Variants in CLOCK observed in about 807,000 individuals in gnomAD.
CLOCK encodes clock circadian regulator.
CLOCK carries 43 observed loss-of-function variants against 118.4 expected under a neutral mutation model. The ratio of observed to expected loss-of-function variants is 0.36; its 90% CI spans 0.28 to 0.47. CLOCK has a LOEUF of 0.47. Ranked by LOEUF, CLOCK falls within the 20% of genes least tolerant of loss-of-function variation. The probability of loss-of-function intolerance (pLI) is 1.00; values close to 1 mark genes in which losing one functional copy is unlikely to be tolerated. For missense variants in CLOCK, 846 were observed against 999.9 expected (o/e 0.85, Z 2.08); for synonymous variants, 326 against 339.2 (o/e 0.96, Z 0.43).
Position 55,442,341 on chromosome 4 carries a change from A to G in CLOCK, c.2105+91T>C, listed in dbSNP as rs1426120501. ...CTGCAGTGAGCATCTCATTAAAATCACATTAAAAAATTTGATTAAGAAATC... is the reference window on the plus strand; with the variant it reads ...CTGCAGTGAGCATCTCATTAAAATCGCATTAAAAAATTTGATTAAGAAATC... On this transcript the variant is annotated intron_variant, in intron 21 of 22. Transcript: ENST00000513440. 3.6e-6 allele frequency: 4 copies of G among 1,123,178 alleles called. No homozygotes were observed. In the Admixed American group the frequency reaches 5.6e-5, roughly 16 times the overall value. The allele number at this position is 1,123,178 out of a possible 1,614,324, so 69.6% of individuals were successfully genotyped here. A position where few individuals can be genotyped will look rare whatever the true frequency, so the allele number is the denominator to read the frequency against.
At chr4:55,505,054 ACACCTGTAGTCC>A (rs981553670) in intron 2 of CLOCK, among the ~76,000 whole-genome samples, 2 of 151,750 alleles carry the variant, frequency 1.3e-5, no homozygotes, top group African/African-American at 4.8e-5. Flanking sequence ...ATGGTGGCAC[ACACCTGTAGTCC>A]CAGCTACTCA....
intron 20 of CLOCK, among the ~76,000 whole-genome samples, 198 bp downstream of exon 20, chr4:55,443,475 CAAAAAAAAAAAAAG>C (rs1486337919): frequency 1.7e-5 from 2 of 120,028 alleles, no homozygotes; most frequent in African/African-American, 7.2e-5. Context: ...AACTCCGTCT[CAAAAAAAAAAAAAG>C]AAAAAAAAAA....
chr4:55,469,882 T>A (rs923041045), intron 8 of CLOCK, among the ~76,000 whole-genome samples: 1 of 152,080 alleles, frequency 6.6e-6, no homozygotes, highest in African/African-American at 2.4e-5. Context: ...CTAATTTTTA[T>A]GTTTTTTTAA....
At chr4:55,447,042 T>G (rs1345594688) in intron 18 of CLOCK, among the ~76,000 whole-genome samples, 1 of 152,080 alleles carries the variant, frequency 6.6e-6, no homozygotes, top group African/African-American at 2.4e-5. Context: ...TCAAGTTTTT[T>G]TTTTTGTTTT....
At chr4:55,525,730 A>C (rs1296333164) in intron 1 of CLOCK, among the ~76,000 whole-genome samples, 1 of 152,124 alleles carries the variant, frequency 6.6e-6, no homozygotes, top group Non-Finnish European at 1.5e-5. Flanking sequence ...TCGGCCTCCC[A>C]AAGTGCTGGA....
Position 55,430,768 on chromosome 4 carries a change from A to G in CLOCK, c.*4647T>C, listed in dbSNP as rs748162607. 1.1e-4 allele frequency: 17 copies of G among 152,162 alleles called. No homozygotes were observed. The highest frequency in any genetic ancestry group is 1.9e-4 in the Non-Finnish European group (13 of 68,018). The allele number at this position is 152,162 out of a possible 1,614,324, so 9.4% of individuals were successfully genotyped here. ...ACTTTTAGATTAGTTCTGTACATCT[A>G]CTCACACGGATGCAATTTTCCTAGA... On this transcript the variant is annotated 3_prime_UTR_variant, in exon 23 of 23. Coordinates refer to ENST00000513440, the MANE Select transcript of CLOCK (RefSeq NM_004898.4).
intron 3 of CLOCK, among the ~76,000 whole-genome samples, chr4:55,485,725 T>C (rs1256444733): frequency 1.3e-5 from 2 of 152,210 alleles, no homozygotes; most frequent in African/African-American, 4.8e-5. Flanking sequence ...ACCAGTTTTA[T>C]TTAAAAAAAC....
intron 2 of CLOCK, among the ~76,000 whole-genome samples, chr4:55,506,792 C>A (rs566442451): frequency 2.6e-5 from 4 of 152,186 alleles, no homozygotes; most frequent in Middle Eastern, 3.4e-3. Context: ...AACTCCTGAC[C>A]ACAGGTGATC....
chr4:55,510,864 C>CAT (rs1729103847), intron 1 of CLOCK, among the ~76,000 whole-genome samples: 1 of 152,070 alleles, frequency 6.6e-6, no homozygotes, highest in Non-Finnish European at 1.5e-5. Flanking sequence ...AAGGGCATTT[C>CAT]CTGAGACAAG....
Position 55,445,281 on chromosome 4 carries a change from G to A in CLOCK, c.1540-496C>T, listed in dbSNP as rs909899849. ...TCTCACTTTTACATACACCTGCCCC[G>A]GCAGGTGGCTTTCCAGCAAGTCTCA... On this transcript the variant is annotated intron_variant, in intron 18 of 22. Coordinates refer to ENST00000513440, the MANE Select transcript of CLOCK (RefSeq NM_004898.4). Among the ~76,000 whole-genome samples the A allele has an allele frequency of 4.6e-5, 7 of 151,998 alleles. 2 individuals are homozygous for A. Among genetic ancestry groups the A allele is most frequent in the East Asian group, 1.9e-4 (1 of 5,156 alleles).
At chr4:55,439,730 T>C (rs1723193121) in intron 21 of CLOCK, among the ~76,000 whole-genome samples, 1 of 152,158 alleles carries the variant, frequency 6.6e-6, no homozygotes, top group Non-Finnish European at 1.5e-5. Context: ...CTGAGAACAT[T>C]ATCCTAAGTA....
At chr4:55,449,519 A>T (rs1018041116) in intron 16 of CLOCK, 23 bp from the exon 17 acceptor site, 1 of 1,540,606 alleles carries the variant, frequency 6.5e-7, no homozygotes, top group Non-Finnish European at 9.0e-7. Flanking sequence ...AAATCAGAAG[A>T]GCATTAGTAC....
intron 11 of CLOCK, among the ~76,000 whole-genome samples, chr4:55,456,610 CATAA>C (rs1204344969): frequency 2.3e-4 from 34 of 145,908 alleles, no homozygotes; most frequent in African/African-American, 7.4e-4. Flanking sequence ...TAAATAAATA[CATAA>C]ATAAATAGTC....
chr4:55,521,754 T>C (rs562188150), intron 1 of CLOCK, among the ~76,000 whole-genome samples: 1 of 152,334 alleles, frequency 6.6e-6, no homozygotes, highest in African/African-American at 2.4e-5. Flanking sequence ...TAAATACATC[T>C]ATGGATGCTA....
intron 2 of CLOCK, among the ~76,000 whole-genome samples, chr4:55,503,496 C>G (rs1728568156): frequency 6.6e-6 from 1 of 152,070 alleles, no homozygotes; most frequent in South Asian, 2.1e-4. Context: ...TGTCCTATAT[C>G]TTATTCTTGA....
intron 1 of CLOCK, chr4:55,546,498 G>T (rs1216710294): frequency 1.3e-5 from 2 of 151,010 alleles, no homozygotes; most frequent in African/African-American, 4.9e-5. Context: ...GCTTGCGGCG[G>T]CTCCGGCTTC....
At chr4:55,541,947 C>T (rs551882625) in intron 1 of CLOCK, among the ~76,000 whole-genome samples, 7 of 124,394 alleles carry the variant, frequency 5.6e-5, no homozygotes, top group Non-Finnish European at 1.2e-4. Context: ...CCTCTCCCCC[C>T]ACCAAAAAAA....
Position 55,448,836 on chromosome 4 carries a change from T to C in CLOCK, c.1482A>G (p.Leu494=). 6.2e-7 allele frequency: 1 copy of C among 1,613,950 alleles called. No homozygotes were observed. Among genetic ancestry groups the C allele is most frequent in the Non-Finnish European group, 8.5e-7 (1 of 1,179,872 alleles). ...SINSQSVGSS[L]TQPVMSQATN... Reference sequence around the variant, plus strand: ...TAGCTTGAGACATCACTGGCTGTGTTAATGATGAACCAACAGACTGGGAAT... The same window carrying C: ...TAGCTTGAGACATCACTGGCTGTGTCAATGATGAACCAACAGACTGGGAAT... The change falls in exon 18 of 23, where the codon TTA becomes TTG. Residue 494 remains leucine, a synonymous_variant. Transcript: ENST00000513440.
At chr4:55,542,494 T>C (rs1731346899) in intron 1 of CLOCK, among the ~76,000 whole-genome samples, 3 of 150,920 alleles carry the variant, frequency 2.0e-5, no homozygotes, top group South Asian at 2.1e-4. Context: ...CCATAGTAAA[T>C]AGTCTTGATC....
Sources: allele counts gnomAD v4.1 joint callset (sites outside exome capture counted in the v4.1 genomes callset), GRCh38; gene constraint gnomAD v4.1.1; transcripts MANE v1.5; gene names NCBI Gene and HGNC (gene_info 2026-07-23, HGNC 2026-07-21).